Variants in STK31 observed in about 807,000 individuals in gnomAD.
STK31 encodes the protein serine/threonine-protein kinase 31.
A neutral mutation model predicts 129.7 loss-of-function variants in STK31; 89 were observed. That is an observed-to-expected ratio of 0.69 (90% CI 0.58 to 0.82). The LOEUF (loss-of-function observed/expected upper bound fraction) is 0.82, where lower values mean the gene tolerates loss of function less well. Among genes scored for constraint, STK31 ranks in the 40% least tolerant of loss-of-function variants. The pLI is 0.00. For missense variants in STK31, 1,187 were observed against 1,176.4 expected, an observed-to-expected ratio of 1.01 and a Z score of -0.13; for synonymous variants, 448 against 395.3, an observed-to-expected ratio of 1.13 and a Z score of -1.58.
chr7:23,736,589 G>A (rs965428439), intron 7 of STK31, among the ~76,000 whole-genome samples: 2 of 148,870 alleles, frequency 1.3e-5, no homozygotes, highest in East Asian at 4.0e-4. Context: ...GATCACGGGG[G>A]GGGGATCACA....
chr7:23,734,505 T>C (rs959886891), intron 6 of STK31, among the ~76,000 whole-genome samples: 3 of 152,204 alleles, frequency 2.0e-5, no homozygotes, highest in Admixed American at 6.5e-5. Context: ...TAAGTTCTTA[T>C]TAAAATTAAG....
chr7:23,817,225 C>A (rs1209021786), intron 23 of STK31, among the ~76,000 whole-genome samples: 1 of 152,042 alleles, frequency 6.6e-6, no homozygotes, highest in Non-Finnish European at 1.5e-5. Flanking sequence ...TGCCTGTAAT[C>A]TGCAAGTAAT....
intron 22 of STK31, among the ~76,000 whole-genome samples, chr7:23,813,318 T>C (rs1793266734): frequency 6.6e-6 from 1 of 152,172 alleles, no homozygotes; most frequent in African/African-American, 2.4e-5. Flanking sequence ...TTATAATTGT[T>C]TGTTGAAGCA....
chr7:23,747,602 T>A (rs533348527), intron 8 of STK31, among the ~76,000 whole-genome samples: 77 of 152,046 alleles, frequency 5.1e-4, no homozygotes, highest in African/African-American at 1.7e-3. Context: ...TCTCCTGACC[T>A]CGTGATCCAC....
intron 10 of STK31, among the ~76,000 whole-genome samples, chr7:23,755,422 A>G (rs563023141): frequency 6.6e-6 from 1 of 152,176 alleles, no homozygotes; most frequent in East Asian, 1.9e-4. Flanking sequence ...AGATTGCAAA[A>G]ATTTTCTTCT....
chr7:23,813,078 C>CTTTTGTTTTT (rs1793242251), intron 22 of STK31, among the ~76,000 whole-genome samples: 1 of 94,116 alleles, frequency 1.1e-5, no homozygotes, highest in Non-Finnish European at 2.0e-5. Flanking sequence ...GCTCTCTGTT[C>CTTTTGTTTTT]TTTTTTTTTT....
intron 20 of STK31, among the ~76,000 whole-genome samples, chr7:23,787,370 C>T (rs1005928670): frequency 6.6e-6 from 1 of 152,096 alleles, no homozygotes; most frequent in African/African-American, 2.4e-5. Context: ...AGCTACTTTA[C>T]ATGGTTGGTA....
At chr7:23,794,264 A>G (rs1348559582) in intron 22 of STK31, among the ~76,000 whole-genome samples, 1 of 152,162 alleles carries the variant, frequency 6.6e-6, no homozygotes, top group Non-Finnish European at 1.5e-5. Flanking sequence ...AGTAAGTCTC[A>G]CAAGATCTGA....
intron 22 of STK31, among the ~76,000 whole-genome samples, chr7:23,813,078 C>CTTTT (rs70956924): frequency 0.012 from 1,148 of 93,812 alleles, 2 homozygotes; most frequent in East Asian, 0.021. Flanking sequence ...GCTCTCTGTT[C>CTTTT]TTTTTTTTTT....
At chr7:23,811,316 A>G (rs1793118778) in intron 22 of STK31, 1 of 423,742 alleles carries the variant, frequency 2.4e-6, no homozygotes, top group African/African-American at 2.1e-5. Flanking sequence ...AGCTTCTGCC[A>G]TAAAAGGTTT....
intron 11 of STK31, 149 bp downstream of exon 11, chr7:23,763,072 T>A: frequency 1.5e-6 from 1 of 683,300 alleles, no homozygotes; most frequent in Non-Finnish European, 2.2e-6. Flanking sequence ...TTAATGGGAT[T>A]AAAAGTTTAT....
intron 9 of STK31, among the ~76,000 whole-genome samples, chr7:23,753,372 G>A (rs909312786): frequency 2.0e-5 from 3 of 152,010 alleles, no homozygotes; most frequent in Non-Finnish European, 2.9e-5. Context: ...GTGTGGATGA[G>A]GGTGAGTGTG....
chr7:23,821,353 G>A (rs117105537), intron 23 of STK31, among the ~76,000 whole-genome samples: 4,543 of 152,016 alleles, frequency 0.03, 86 homozygotes, highest in Middle Eastern at 0.048. Flanking sequence ...TAAAATAGTG[G>A]CATTCTAGCT....
chr7:23,777,369 GA>G (rs1398742668), intron 15 of STK31, among the ~76,000 whole-genome samples: 18 of 152,106 alleles, frequency 1.2e-4, no homozygotes, highest in Non-Finnish European at 2.5e-4. Flanking sequence ...TTCAAGTCCT[GA>G]ATATCCTTGT....
chr7:23,805,536 G>A (rs1317885809), intron 22 of STK31, among the ~76,000 whole-genome samples: 4 of 152,016 alleles, frequency 2.6e-5, no homozygotes, highest in Non-Finnish European at 4.4e-5. Context: ...CTGGGCTGGA[G>A]TGCAGTGGCA....
intron 20 of STK31, among the ~76,000 whole-genome samples, chr7:23,787,306 C>A (rs890647992): frequency 6.6e-6 from 1 of 152,126 alleles, no homozygotes; most frequent in Admixed American, 6.5e-5. Flanking sequence ...TTAGTAATAA[C>A]AGTAAAGGAG....
intron 9 of STK31, among the ~76,000 whole-genome samples, chr7:23,753,076 G>A (rs545494186): frequency 4.6e-5 from 7 of 152,296 alleles, no homozygotes; most frequent in Admixed American, 1.3e-4. Context: ...TGAAAAAACA[G>A]CAACATAGCT....
chr7:23,735,510 A>T, intron 6 of STK31, 28 bp from the exon 7 acceptor site: 1 of 1,530,056 alleles, frequency 6.5e-7, no homozygotes, highest in Admixed American at 2.1e-5. Context: ...ATGTTGGTGT[A>T]GCTGGTTTAT....
chr7:23,812,948 T>G (rs554027047), intron 22 of STK31, among the ~76,000 whole-genome samples: 51 of 152,308 alleles, frequency 3.3e-4, no homozygotes, highest in African/African-American at 1.1e-3. Flanking sequence ...CACCACCGTT[T>G]CTTTACTCAC....
Sources: gnomAD v4.1 joint callset for allele counts (sites outside exome capture counted in the v4.1 genomes callset) on GRCh38, gnomAD v4.1.1 for gene constraint, MANE v1.5 for transcripts, NCBI Gene and HGNC (gene_info 2026-07-23, HGNC 2026-07-21) for gene names.